Variants in TMEM51 observed in about 807,000 individuals in gnomAD.
The protein encoded by TMEM51 is chromosome 1 open reading frame 72.
A neutral mutation model predicts 13.6 loss-of-function variants in TMEM51; 8 were observed. That is an observed-to-expected ratio of 0.59 (90% CI 0.35 to 1.07). TMEM51 has a LOEUF of 1.07. TMEM51 is among the 50% of genes least tolerant of loss of function. The pLI, the probability that TMEM51 is intolerant of heterozygous loss-of-function variation, is 0.02. For missense variants in TMEM51, 279 were observed against 330.7 expected (o/e 0.84, Z 1.21); for synonymous variants, 147 against 144.4 (o/e 1.02, Z -0.13).
At chr1:15,153,075 G>C (rs1642450108), upstream of TMEM51, among the ~76,000 whole-genome samples, 1 of 152,368 alleles carries the variant, frequency 6.6e-6, no homozygotes, top group African/African-American at 2.4e-5. Flanking sequence ...GGCGCCCTGG[G>C]GACCACGCAT....
Position 15,219,725 on chromosome 1 carries a change from C to T in TMEM51, c.744C>T (p.Asp248=). 1 of 1,613,162 alleles carries T rather than the reference C, an allele frequency of 6.2e-7. No homozygotes were observed. The highest frequency in any genetic ancestry group is 8.5e-7 in the Non-Finnish European group (1 of 1,179,704). ...ATGAAGTCCAGGAGAAGGCCCCCGA[C>T]ACCCGGCCGCCCGACTGAATGGCCC... ...QYDEVQEKAP[D]TRPPD is the part of the protein sequence containing the mutation. The change falls in exon 4 of 4, where the codon GAC becomes GAT. Residue 248 remains aspartate, a synonymous_variant. Coordinates refer to ENST00000376008, the MANE Select transcript of TMEM51 (RefSeq NM_001136218.2).
At chr1:15,169,917 C>T (rs1643179259) in intron 1 of TMEM51, among the ~76,000 whole-genome samples, 1 of 152,156 alleles carries the variant, frequency 6.6e-6, no homozygotes. Context: ...TATTCCCTTT[C>T]TCCCTGTCTT....
chr1:15,182,373 A>G (rs572174233), intron 1 of TMEM51, among the ~76,000 whole-genome samples: 16 of 152,208 alleles, frequency 1.1e-4, no homozygotes, highest in South Asian at 4.1e-4. Context: ...CGCCTGCCCA[A>G]TCGGACTGTC....
intron 3 of TMEM51, among the ~76,000 whole-genome samples, chr1:15,216,205 A>C (rs1350055206): frequency 6.6e-6 from 1 of 152,196 alleles, no homozygotes; most frequent in Non-Finnish European, 1.5e-5. Context: ...TGTATGCTTT[A>C]ATTTGAAATG....
intron 1 of TMEM51, among the ~76,000 whole-genome samples, chr1:15,185,184 C>A (rs535479103): frequency 1.3e-5 from 2 of 152,294 alleles, no homozygotes; most frequent in African/African-American, 4.8e-5. Flanking sequence ...AACTTAGGAG[C>A]CCTGAGCCCA....
chr1:15,166,371 T>A (rs776658769), intron 1 of TMEM51, among the ~76,000 whole-genome samples: 3 of 152,108 alleles, frequency 2.0e-5, no homozygotes, highest in Non-Finnish European at 2.9e-5. Flanking sequence ...CTTAGGAAGC[T>A]GAGATAGGAG....
At position 15,215,098 on chromosome 1, in the gene TMEM51, A is replaced by G. The variant is rs1644405087; in HGVS notation, c.11A>G (p.Gln4Arg). The G allele has an allele frequency of 6.2e-7, 1 of 1,604,330 alleles. No individual in the cohort carries two copies. The highest frequency in any genetic ancestry group is 8.5e-7 in the Non-Finnish European group (1 of 1,172,472). MMA[Q>R]SKANGSHYAL... is the part of the protein sequence containing the mutation. ...CCTCCTCCCACTGACATGATGGCCC[A>G]GTCCAAGGCCAATGGCTCGCACTAT... The change falls in exon 3 of 4, where the codon CAG (glutamine) becomes CGG (arginine). Residue 4 changes from glutamine (Q) to arginine (R), a missense_variant. Coordinates refer to ENST00000376008, the MANE Select transcript of TMEM51 (RefSeq NM_001136218.2).
At chr1:15,165,081 A>G (rs1312871528) in intron 1 of TMEM51, among the ~76,000 whole-genome samples, 19 of 152,120 alleles carry the variant, frequency 1.2e-4, no homozygotes, top group Admixed American at 1.2e-3. Context: ...GATTACAGGC[A>G]TGAGCCACCA....
In TMEM51 at chr1:15,217,838, C is replaced by A. The variant is rs552883123; in HGVS notation, c.345-1488C>A. Among the ~76,000 whole-genome samples, 8 of 152,278 alleles carry A rather than the reference C, an allele frequency of 5.3e-5. No homozygotes were observed. The South Asian group carries it at 1.7e-3, about 32-fold the overall frequency. ...CCACCGAGCTGAATGCTAGTATCTT[C>A]CAGAAACACCCTCACTCTCACAGTG... On this transcript the variant is annotated intron_variant, in intron 3 of 3. Coordinates refer to ENST00000376008, the MANE Select transcript of TMEM51 (RefSeq NM_001136218.2).
intron 1 of TMEM51, among the ~76,000 whole-genome samples, chr1:15,195,013 T>C (rs1373894055): frequency 6.9e-6 from 1 of 144,562 alleles, no homozygotes; most frequent in African/African-American, 2.6e-5. Context: ...CAACCTCCAC[T>C]GCCCAGGCTC....
chr1:15,162,027 G>A (rs940764875), intron 1 of TMEM51, among the ~76,000 whole-genome samples: 1 of 148,382 alleles, frequency 6.7e-6, no homozygotes, highest in Non-Finnish European at 1.5e-5. Context: ...CAGGCGTCAT[G>A]TGGTGAGAGA....
chr1:15,171,096 T>A, intron 1 of TMEM51: 1 of 871,204 alleles, frequency 1.1e-6, no homozygotes, highest in Non-Finnish European at 1.6e-6. Context: ...GGGTCCTCCC[T>A]CCTCCTCCAC....
intron 1 of TMEM51, among the ~76,000 whole-genome samples, chr1:15,177,561 T>C (rs1423475734): frequency 6.6e-6 from 1 of 152,156 alleles, no homozygotes; most frequent in Non-Finnish European, 1.5e-5. Context: ...CAAATGCAGT[T>C]GGTCACAGAC....
At chr1:15,186,369 AAC>A (rs1476976780) in intron 1 of TMEM51, among the ~76,000 whole-genome samples, 1 of 152,222 alleles carries the variant, frequency 6.6e-6, no homozygotes, top group African/African-American at 2.4e-5. Flanking sequence ...AGTGAGGAAT[AAC>A]AGTCTACCCC....
intron 1 of TMEM51, among the ~76,000 whole-genome samples, chr1:15,179,655 G>A (rs1183067801): frequency 1.3e-5 from 2 of 152,214 alleles, no homozygotes; most frequent in Admixed American, 1.3e-4. Flanking sequence ...GGTGGCGCAT[G>A]CCTGTAACCT....
chr1:15,173,765 A>G (rs1643372388), intron 1 of TMEM51, among the ~76,000 whole-genome samples: 2 of 151,522 alleles, frequency 1.3e-5, no homozygotes, highest in East Asian at 1.9e-4. Context: ...CCTTTCTTCA[A>G]CCTGGAATCT....
intron 1 of TMEM51, among the ~76,000 whole-genome samples, chr1:15,210,198 T>C (rs545139424): frequency 3.9e-4 from 60 of 152,198 alleles, no homozygotes; most frequent in Non-Finnish European, 8.2e-4. Context: ...CCTTATAAGA[T>C]GACCTGAGAG....
chr1:15,212,333 C>T (rs566980109), intron 2 of TMEM51, among the ~76,000 whole-genome samples: 3 of 152,278 alleles, frequency 2.0e-5, no homozygotes, highest in South Asian at 4.1e-4. Context: ...GTATTAATCC[C>T]GACATTTTAA....
chr1:15,158,033 T>G (rs1401985375), intron 1 of TMEM51, among the ~76,000 whole-genome samples: 2 of 152,082 alleles, frequency 1.3e-5, no homozygotes, highest in Non-Finnish European at 2.9e-5. Flanking sequence ...GCTCAAGTGA[T>G]CCTCCCACCT....
Sources: gnomAD v4.1 joint callset for allele counts (sites outside exome capture counted in the v4.1 genomes callset) on GRCh38, gnomAD v4.1.1 for gene constraint, MANE v1.5 for transcripts, NCBI Gene and HGNC (gene_info 2026-07-23, HGNC 2026-07-21) for gene names.